Variants in MYLK4 observed in about 807,000 individuals in gnomAD.
MYLK4 encodes myosin light chain kinase family member 4, also known as caMLCK like.
MYLK4 carries 46 observed loss-of-function variants against 48.1 expected under a neutral mutation model. That is an observed-to-expected ratio of 0.96 (90% CI 0.75 to 1.22). MYLK4 has a LOEUF of 1.22. MYLK4 is among the 50% of genes most tolerant of loss of function. The probability of loss-of-function intolerance (pLI) is 0.00; values close to 1 mark genes in which losing one functional copy is unlikely to be tolerated. For synonymous variants in MYLK4, 170 were observed against 180.8 expected, an observed-to-expected ratio of 0.94 and a Z score of 0.48; for missense variants, 451 against 486.1, an observed-to-expected ratio of 0.93 and a Z score of 0.68.
At chr6:2,766,038 C>T in the MYLK4 span, 1 of 1,303,650 alleles carries the variant, frequency 7.7e-7, no homozygotes, top group Non-Finnish European at 9.7e-7. Flanking sequence ...AGGAAGGGGT[C>T]GGGGAAGAGG....
At chr6:2,764,645 T>C in the MYLK4 span, among the ~76,000 whole-genome samples, 1 of 152,324 alleles carries the variant, frequency 6.6e-6, no homozygotes, top group South Asian at 2.1e-4. Flanking sequence ...TTTCTATCCG[T>C]CTAGGACGTA....
intron 2 of MYLK4, among the ~76,000 whole-genome samples, chr6:2,739,391 G>A (rs938895804): frequency 5.9e-5 from 9 of 152,146 alleles, no homozygotes; most frequent in East Asian, 3.8e-4. Context: ...GACTTTTCCC[G>A]GACTTTCAGT....
At chr6:2,695,498 T>A (rs924989092) in intron 2 of MYLK4, among the ~76,000 whole-genome samples, 2 of 152,250 alleles carry the variant, frequency 1.3e-5, no homozygotes, top group Admixed American at 6.5e-5. Context: ...GGAGAAGCTG[T>A]CAGTATTGAG....
chr6:2,683,391 T>TTGTGTGTGTGTGTGTGTG lies in MYLK4; in HGVS notation c.546-247_546-230dup, dbSNP rs67359849. The stretch of plus-strand genomic sequence containing the variant: ...ATCCTCAAGCCAACTCCCCACCTTT[T>TTGTGTGTGTGTGTGTGTG]TGTGTGTGTGTGTGTGTGTGTGTGT... On this transcript the variant is annotated intron_variant, in intron 6 of 12. Transcript: ENST00000274643. 9.9e-4 allele frequency among the ~76,000 whole-genome samples: 126 copies of TTGTGTGTGTGTGTGTGTG among 126,658 alleles called. 1 individual carries two copies. Among genetic ancestry groups the TTGTGTGTGTGTGTGTGTG allele is most frequent in the Non-Finnish European group, 1.6e-3 (93 of 59,162 alleles). 83.1% of individuals were successfully genotyped at this position (126,658 alleles called of 152,430 possible). A position where few individuals can be genotyped will look rare whatever the true frequency, so the allele number is the denominator to read the frequency against.
Position 2,685,149 on chromosome 6 carries a change from T to C in MYLK4, c.545+147A>G, listed in dbSNP as rs998583036. 7.9e-6 allele frequency: 5 copies of C among 629,572 alleles called. No homozygotes were observed. Among genetic ancestry groups the C allele is most frequent in the Non-Finnish European group, 1.4e-5 (5 of 345,332 alleles). The allele number at this position is 629,572 out of a possible 1,614,324, so 39.0% of individuals were successfully genotyped here. ...ACCCCAAGTGTTTCCCTTCTAGAACTGATGTGATTGTGTGATCCGCGCGAA... is the reference window on the plus strand; with the variant it reads ...ACCCCAAGTGTTTCCCTTCTAGAACCGATGTGATTGTGTGATCCGCGCGAA... On this transcript the variant is annotated intron_variant, in intron 6 of 12. Coordinates refer to ENST00000274643, the MANE Select transcript of MYLK4 (RefSeq NM_001012418.5). The surrounding 1 kb of genome is among the most constrained non-coding windows in gnomAD (Gnocchi z 4.5).
chr6:2,708,307 G>A (rs1053725905), intron 2 of MYLK4, among the ~76,000 whole-genome samples: 21 of 152,248 alleles, frequency 1.4e-4, no homozygotes, highest in African/African-American at 5.1e-4. Flanking sequence ...TTGCCTTTGA[G>A]CATTACATTT....
chr6:2,685,628 G>A lies in MYLK4; in HGVS notation c.342-52C>T. ...ATGAGGCCCTGTGGTCAGCTGCCGA[G>A]TGGACAGCGCACAGTGGCCCCAGTA... On this transcript the variant is annotated intron_variant, in intron 4 of 12. Transcript: ENST00000274643. The surrounding 1 kb of genome is among the most constrained non-coding windows in gnomAD (Gnocchi z 4.5). 1 of 1,539,250 alleles carries A rather than the reference G, an allele frequency of 6.5e-7. No homozygotes were observed. Among genetic ancestry groups the A allele is most frequent in the Non-Finnish European group, 9.0e-7 (1 of 1,114,226 alleles).
chr6:2,756,553 G>A, the MYLK4 span, among the ~76,000 whole-genome samples: 6 of 152,142 alleles, frequency 3.9e-5, no homozygotes, highest in Non-Finnish European at 7.3e-5. Flanking sequence ...TCAGAGGACA[G>A]AGAGAGGAAA....
the MYLK4 span, chr6:2,768,981 T>A: frequency 1.6e-6 from 2 of 1,229,668 alleles, no homozygotes; most frequent in Non-Finnish European, 2.2e-6. Context: ...CGAGCTTTGT[T>A]TACAAAGAAG....
intron 2 of MYLK4, among the ~76,000 whole-genome samples, chr6:2,705,933 AC>A (rs1762470785): frequency 1.4e-5 from 2 of 146,196 alleles, no homozygotes; most frequent in Admixed American, 6.8e-5. Flanking sequence ...AAAAAAAAAA[AC>A]CTTAAAGAGC....
the MYLK4 span, among the ~76,000 whole-genome samples, chr6:2,760,533 G>A: frequency 6.6e-6 from 1 of 152,158 alleles, no homozygotes; most frequent in Non-Finnish European, 1.5e-5. Context: ...TCCAACCTTA[G>A]GGAGCCACTA....
At chr6:2,668,105 CA>C (rs1250361467) in intron 12 of MYLK4, among the ~76,000 whole-genome samples, 3 of 129,894 alleles carry the variant, frequency 2.3e-5, no homozygotes, top group Admixed American at 7.6e-5. Flanking sequence ...TTGTGCAAGA[CA>C]TTTTTTTTTT....
Position 2,685,334 on chromosome 6 carries a change from G to A in MYLK4, c.507C>T (p.Ala169=), listed in dbSNP as rs754534485. ...DHANLIQLYD[A]FESKNDIVLV... is the part of the protein sequence containing the mutation. ...GGACAATGTCGTTCTTAGACTCGAA[G>A]GCATCGTACAGCTGGATGAGGTTCG... The change falls in exon 6 of 13, where the codon GCC becomes GCT. Residue 169 remains alanine, a synonymous_variant. Transcript: ENST00000274643. The surrounding 1 kb of genome is among the most constrained non-coding windows in gnomAD (Gnocchi z 4.5). 4 of 1,613,666 alleles carry A rather than the reference G, an allele frequency of 2.5e-6. No homozygotes were observed. In the African/African-American group the frequency reaches 4.0e-5, roughly 16 times the overall value.
upstream of MYLK4, among the ~76,000 whole-genome samples, chr6:2,751,873 A>G (rs1764298004): frequency 6.6e-6 from 1 of 152,206 alleles, no homozygotes; most frequent in South Asian, 2.1e-4. Flanking sequence ...TATTTTTCAG[A>G]TTGGAGAGCT....
At position 2,678,273 on chromosome 6, in the gene MYLK4, G is replaced by A. The variant is rs766440227; in HGVS notation, c.987C>T (p.Asp329=). The A allele has an allele frequency of 3.0e-5, 48 of 1,614,000 alleles. No individual in the cohort carries two copies. The highest frequency in any genetic ancestry group is 2.3e-4 in the Admixed American group (14 of 60,006). Residue 329 remains aspartate, a synonymous_variant, in exon 10 of 13, where the codon GAC becomes GAT. Coordinates refer to ENST00000274643, the MANE Select transcript of MYLK4 (RefSeq NM_001012418.5). The part of the protein sequence containing the change: ...RWDLEDEEFQ[D]ISEEAKEFIS... The stretch of plus-strand genomic sequence containing the variant: ...TGAACTCCTTGGCCTCCTCCGAGAT[G>A]TCCTGAAATTCTTCATCCTCTAAGT...
At chr6:2,745,926 A>G (rs1488738741) in intron 2 of MYLK4, among the ~76,000 whole-genome samples, 20 of 146,532 alleles carry the variant, frequency 1.4e-4, no homozygotes, top group African/African-American at 4.9e-4. Flanking sequence ...AGCTGTCTCA[A>G]AAAAAAAAAA....
chr6:2,679,099 G>A (rs1582031990), intron 9 of MYLK4, among the ~76,000 whole-genome samples, 181 bp downstream of exon 9: 1 of 152,202 alleles, frequency 6.6e-6, no homozygotes, highest in South Asian at 2.1e-4. Context: ...CAAATGATGT[G>A]CAGGGAAAGA....
chr6:2,708,476 C>T (rs1762568468), intron 2 of MYLK4, among the ~76,000 whole-genome samples: 1 of 152,186 alleles, frequency 6.6e-6, no homozygotes, highest in African/African-American at 2.4e-5. Context: ...CTCACCTTTC[C>T]ATTTCCTCTG....
intron 12 of MYLK4, among the ~76,000 whole-genome samples, chr6:2,670,091 C>A (rs1261703046): frequency 1.3e-5 from 2 of 152,174 alleles, no homozygotes; most frequent in South Asian, 2.1e-4. Flanking sequence ...CCAGGCCAGG[C>A]CCGGTGGCTC....
Sources: gnomAD v4.1 joint callset for allele counts (sites outside exome capture counted in the v4.1 genomes callset) on GRCh38, gnomAD v4.1.1 for gene constraint, Gnocchi (gnomAD v3.1) non-coding constraint, MANE v1.5 for transcripts, NCBI Gene and HGNC (gene_info 2026-07-23, HGNC 2026-07-21) for gene names.